The following CDC45 variants were observed in gnomAD, a reference collection of about 807,000 sequenced individuals.
CDC45 encodes the protein cell division cycle 45, also known as cell division control protein 45 homolog.
A neutral mutation model predicts 77.8 loss-of-function variants in CDC45; 54 were observed. The ratio of observed to expected loss-of-function variants is 0.69; its 90% CI spans 0.56 to 0.87. CDC45 has a LOEUF of 0.87. CDC45 is among the 40% of genes least tolerant of loss of function. The pLI is 0.00. For missense variants in CDC45, 649 were observed against 721.6 expected (o/e 0.90, Z 1.15); for synonymous variants, 260 against 272.1 (o/e 0.96, Z 0.44).
intron 5 of CDC45, among the ~76,000 whole-genome samples, chr22:19,484,935 T>TA (rs1568913443): frequency 3.2e-5 from 4 of 124,432 alleles, no homozygotes; most frequent in Non-Finnish European, 7.7e-5. Context: ...TTTTGTTTTT[T>TA]GTTTTTTTTT....
Position 19,488,735 on chromosome 22 carries a change from C to T in CDC45, c.486+4730C>T, listed in dbSNP as rs1005519194. 2.6e-5 allele frequency among the ~76,000 whole-genome samples: 4 copies of T among 152,274 alleles called. No homozygotes were observed. The East Asian group carries it at 7.7e-4, about 29-fold the overall frequency. The stretch of plus-strand genomic sequence containing the variant: ...ATGTATAAAGATGCAACCACCATCC[C>T]ACCATGATAGAGAACAATTCCATTA... On this transcript the variant is annotated intron_variant, in intron 5 of 18. Coordinates refer to ENST00000263201, the MANE Select transcript of CDC45 (RefSeq NM_003504.5).
intron 17 of CDC45, among the ~76,000 whole-genome samples, chr22:19,518,372 G>A (rs1473635118): frequency 6.6e-6 from 1 of 152,200 alleles, no homozygotes; most frequent in Non-Finnish European, 1.5e-5. Context: ...TGAGGGTCTG[G>A]GTGCTCAGCT....
At chr22:19,505,756 C>T (rs1301296495) in intron 10 of CDC45, among the ~76,000 whole-genome samples, 1 of 152,202 alleles carries the variant, frequency 6.6e-6, no homozygotes, top group Non-Finnish European at 1.5e-5. Flanking sequence ...GGTAGCAGTG[C>T]GGGCAGTGGT....
At chr22:19,482,596 G>T in intron 3 of CDC45, 94 bp from the exon 4 acceptor site, 1 of 1,356,992 alleles carries the variant, frequency 7.4e-7, no homozygotes, top group South Asian at 1.3e-5. Flanking sequence ...GTCAGGGACT[G>T]AGTGAGTTTA....
chr22:19,483,525 C>T (rs764500576), intron 4 of CDC45, among the ~76,000 whole-genome samples: 1 of 152,186 alleles, frequency 6.6e-6, no homozygotes, highest in Non-Finnish European at 1.5e-5. Flanking sequence ...TGTCCTATAT[C>T]AGACAGAGGC....
chr22:19,486,061 A>G (rs1197221695), intron 5 of CDC45, among the ~76,000 whole-genome samples: 2 of 152,188 alleles, frequency 1.3e-5, no homozygotes, highest in Admixed American at 1.3e-4. Context: ...TCACTCTGTC[A>G]CTGAGGCTGG....
At chr22:19,486,869 G>T (rs943588432) in intron 5 of CDC45, among the ~76,000 whole-genome samples, 4 of 152,114 alleles carry the variant, frequency 2.6e-5, no homozygotes, top group East Asian at 2.0e-4. Context: ...GTAGAGACGG[G>T]GTTTCACCGT....
chr22:19,511,811 A>G (rs1933528437), intron 13 of CDC45, among the ~76,000 whole-genome samples: 2 of 151,920 alleles, frequency 1.3e-5, no homozygotes, highest in African/African-American at 2.4e-5. Context: ...TTGGTGTCAT[A>G]TCTAAGAAAC....
At position 19,500,092 on chromosome 22, in the gene CDC45, C is replaced by T. The variant is rs192181057; in HGVS notation, c.704+941C>T. On this transcript the variant is annotated intron_variant, in intron 9 of 18. Transcript: ENST00000263201. ...TGCCCTGTTGGGCCCTGAGTCCCTTCGTGTGTTAAGAGTAGCATGGAATTT... is the reference window on the plus strand; with the variant it reads ...TGCCCTGTTGGGCCCTGAGTCCCTTTGTGTGTTAAGAGTAGCATGGAATTT... Among the ~76,000 whole-genome samples, 117 of 152,350 alleles carry T rather than the reference C, an allele frequency of 7.7e-4. 1 individual carries two copies. The highest frequency in any genetic ancestry group is 2.7e-3 in the African/African-American group (113 of 41,578).
intron 4 of CDC45, among the ~76,000 whole-genome samples, chr22:19,483,504 A>G (rs962284715): frequency 2.6e-5 from 4 of 152,312 alleles, no homozygotes; most frequent in African/African-American, 4.8e-5. Flanking sequence ...CTTAGGGGTT[A>G]CACATCTTCA....
intron 17 of CDC45, 41 bp downstream of exon 17, chr22:19,516,934 C>T (rs1208186848): frequency 2.3e-5 from 35 of 1,541,070 alleles, no homozygotes; most frequent in Non-Finnish European, 3.1e-5. Context: ...TCCCACCTGA[C>T]CCTTTGAGGC....
In CDC45 at chr22:19,514,887, G is replaced by C. The variant is rs1346522914; in HGVS notation, c.1356G>C (p.Glu452Asp). 1 of 1,614,236 alleles carries C rather than the reference G, an allele frequency of 6.2e-7. No homozygotes were observed. Among genetic ancestry groups the C allele is most frequent in the Non-Finnish European group, 8.5e-7 (1 of 1,180,056 alleles). ...QGPFLYCSLM[E>D]GTPDVMLFSR... ...CTTTCCTGTACTGCTCTCTCATGGA[G>C]GTCAGGCTTCCCACAGAGCACAGGC... is the stretch of plus-strand genomic sequence containing the variant. Residue 452 changes from glutamate (E) to aspartate (D), a missense_variant and splice_region_variant, in exon 14 of 19, where the codon GAG (glutamate) becomes GAC (aspartate). Transcript: ENST00000263201.
chr22:19,495,744 C>T (rs1396590590), intron 6 of CDC45, among the ~76,000 whole-genome samples: 1 of 152,126 alleles, frequency 6.6e-6, no homozygotes, highest in Non-Finnish European at 1.5e-5. Flanking sequence ...ATCACTTGAG[C>T]CCAGGATGTC....
Position 19,513,084 on chromosome 22 carries a change from A to G in CDC45, c.1218-1665A>G, listed in dbSNP as rs143995394. On this transcript the variant is annotated intron_variant, in intron 13 of 18. Transcript: ENST00000263201. ...CTAGCCCCAGGGAGAGCATTCATCTATTCATGAGGGGTCTGCACCCATGAC... is the reference window on the plus strand; with the variant it reads ...CTAGCCCCAGGGAGAGCATTCATCTGTTCATGAGGGGTCTGCACCCATGAC... Among the ~76,000 whole-genome samples the G allele has an allele frequency of 9.2e-5, 14 of 152,304 alleles. 1 individual carries two copies. In the East Asian group the frequency reaches 2.7e-3, roughly 29 times the overall value.
intron 10 of CDC45, among the ~76,000 whole-genome samples, chr22:19,506,741 T>C (rs1323681235): frequency 6.6e-6 from 1 of 152,148 alleles, no homozygotes; most frequent in East Asian, 1.9e-4. Flanking sequence ...GAGACCATCC[T>C]GGCTAACACG....
intron 13 of CDC45, among the ~76,000 whole-genome samples, chr22:19,509,241 C>G (rs1323504251): frequency 6.6e-6 from 1 of 152,162 alleles, no homozygotes; most frequent in Non-Finnish European, 1.5e-5. Flanking sequence ...CTGCGATGCA[C>G]AGCTATGGCA....
chr22:19,509,413 T>C (rs1212951430), intron 13 of CDC45, among the ~76,000 whole-genome samples: 2 of 152,220 alleles, frequency 1.3e-5, no homozygotes, highest in African/African-American at 2.4e-5. Flanking sequence ...GCAAGTGTTA[T>C]ATTTTAAGAG....
At chr22:19,505,208 A>C in intron 9 of CDC45, 154 bp from the exon 10 acceptor site, 1 of 793,282 alleles carries the variant, frequency 1.3e-6, no homozygotes, top group Non-Finnish European at 2.0e-6. Flanking sequence ...CTTGGTTTCT[A>C]TGCAGGCTGC....
chr22:19,497,662 A>G (rs2090266602), intron 8 of CDC45, among the ~76,000 whole-genome samples: 1 of 152,212 alleles, frequency 6.6e-6, no homozygotes, highest in African/African-American at 2.4e-5. Context: ...GTGTCGGAGA[A>G]TGCAGAGGAA....
Sources: gnomAD v4.1 joint callset for allele counts (sites outside exome capture counted in the v4.1 genomes callset) on GRCh38, gnomAD v4.1.1 for gene constraint, MANE v1.5 for transcripts, NCBI Gene and HGNC (gene_info 2026-07-23, HGNC 2026-07-21) for gene names.